The following C1QTNF3 variants were observed in gnomAD, a reference collection of about 807,000 sequenced individuals.
C1QTNF3 encodes complement C1q tumor necrosis factor-related protein 3.
Under a neutral mutation model 32.6 loss-of-function variants are expected in C1QTNF3, and 26 were observed. That is an observed-to-expected ratio of 0.80 (90% CI 0.58 to 1.11). C1QTNF3 has a LOEUF of 1.11. Among genes scored for constraint, C1QTNF3 ranks in the 50% least tolerant of loss-of-function variants. The probability of loss-of-function intolerance (pLI) is 0.00; values close to 1 mark genes in which losing one functional copy is unlikely to be tolerated. For missense variants in C1QTNF3, 362 were observed against 398.2 expected (o/e 0.91, Z 0.77); for synonymous variants, 155 against 146.0 (o/e 1.06, Z -0.44).
At chr5:34,107,923 C>T in the C1QTNF3 span, among the ~76,000 whole-genome samples, 1 of 152,126 alleles carries the variant, frequency 6.6e-6, no homozygotes, top group Admixed American at 6.6e-5. Context: ...CCACAAGATA[C>T]TAGTAAAACT....
chr5:34,022,897 C>T (rs1265990317), intron 5 of C1QTNF3, among the ~76,000 whole-genome samples: 1 of 152,084 alleles, frequency 6.6e-6, no homozygotes, highest in East Asian at 1.9e-4. Flanking sequence ...GCTCTGTCGC[C>T]CAGGCTGGAG....
chr5:34,068,126 AC>A, the C1QTNF3 span, among the ~76,000 whole-genome samples: 2 of 152,300 alleles, frequency 1.3e-5, no homozygotes, highest in Admixed American at 1.3e-4. Context: ...TGTGCTATGA[AC>A]TGCCAGATGC....
At chr5:34,126,083 A>G in the C1QTNF3 span, among the ~76,000 whole-genome samples, 1 of 152,262 alleles carries the variant, frequency 6.6e-6, no homozygotes, top group Non-Finnish European at 1.5e-5. Context: ...CATAAAAATC[A>G]TCTCCCTTGT....
chr5:34,092,774 A>G, the C1QTNF3 span, among the ~76,000 whole-genome samples: 1 of 151,946 alleles, frequency 6.6e-6, no homozygotes, highest in Non-Finnish European at 1.5e-5. Context: ...CAGTAACTCT[A>G]TTAAAGACAC....
chr5:34,054,568 G>T, the C1QTNF3 span, among the ~76,000 whole-genome samples: 3 of 152,196 alleles, frequency 2.0e-5, no homozygotes, highest in African/African-American at 7.2e-5. Context: ...CAGCCCACAG[G>T]CCATAATTTG....
chr5:34,068,332 C>T, the C1QTNF3 span, among the ~76,000 whole-genome samples: 2 of 151,934 alleles, frequency 1.3e-5, no homozygotes, highest in Admixed American at 6.6e-5. Context: ...TAGGTTTTGT[C>T]TGATGATTTT....
the C1QTNF3 span, among the ~76,000 whole-genome samples, chr5:34,158,953 C>A: frequency 6.6e-6 from 1 of 152,030 alleles, no homozygotes; most frequent in South Asian, 2.1e-4. Context: ...TACTTACACA[C>A]ACAAACAATC....
the C1QTNF3 span, among the ~76,000 whole-genome samples, chr5:34,221,949 T>C: frequency 2.6e-5 from 4 of 152,038 alleles, no homozygotes; most frequent in Non-Finnish European, 5.9e-5. Flanking sequence ...GGCTGAGGAA[T>C]AGCAGCAGTG....
At chr5:34,204,301 T>C in the C1QTNF3 span, among the ~76,000 whole-genome samples, 7 of 152,198 alleles carry the variant, frequency 4.6e-5, no homozygotes, top group African/African-American at 1.7e-4. Context: ...ATGAAAAAGG[T>C]ATCTGCACCC....
the C1QTNF3 span, among the ~76,000 whole-genome samples, chr5:34,154,239 G>GT: frequency 6.6e-6 from 1 of 152,102 alleles, no homozygotes; most frequent in African/African-American, 2.4e-5. Flanking sequence ...AGTATAACGA[G>GT]TTTTTTTCTT....
At chr5:34,063,850 G>T in the C1QTNF3 span, among the ~76,000 whole-genome samples, 1 of 152,298 alleles carries the variant, frequency 6.6e-6, no homozygotes, top group Non-Finnish European at 1.5e-5. Flanking sequence ...GAGGTAAGGA[G>T]AATTTTTGGG....
the C1QTNF3 span, among the ~76,000 whole-genome samples, chr5:34,068,904 T>C: frequency 3.9e-5 from 6 of 152,146 alleles, no homozygotes; most frequent in African/African-American, 1.4e-4. Context: ...TAGATATCCA[T>C]GCACAGTATC....
chr5:34,059,608 T>G, the C1QTNF3 span, among the ~76,000 whole-genome samples: 1 of 152,266 alleles, frequency 6.6e-6, no homozygotes, highest in East Asian at 1.9e-4. Flanking sequence ...CTAATCCCAT[T>G]TATGAGGGCA....
At chr5:34,056,388 T>G in the C1QTNF3 span, among the ~76,000 whole-genome samples, 18 of 147,492 alleles carry the variant, frequency 1.2e-4, no homozygotes, top group South Asian at 3.5e-3. Context: ...ACTTATTAAC[T>G]TTTACCATGA....
At chr5:34,176,138 A>G in the C1QTNF3 span, among the ~76,000 whole-genome samples, 1 of 152,032 alleles carries the variant, frequency 6.6e-6, no homozygotes, top group Non-Finnish European at 1.5e-5. Context: ...CATTCTCAGT[A>G]AACTATCGCC....
the C1QTNF3 span, among the ~76,000 whole-genome samples, chr5:34,091,875 G>C: frequency 6.6e-6 from 1 of 151,800 alleles, no homozygotes; most frequent in African/African-American, 2.4e-5. Flanking sequence ...TGCATGATGA[G>C]ATCATCATTC....
chr5:34,157,286 G>A, the C1QTNF3 span, among the ~76,000 whole-genome samples: 1 of 152,114 alleles, frequency 6.6e-6, no homozygotes, highest in Non-Finnish European at 1.5e-5. Flanking sequence ...TGGCTACTGT[G>A]TTATATACCA....
chr5:34,223,384 A>G, the C1QTNF3 span, among the ~76,000 whole-genome samples: 77,213 of 140,378 alleles, frequency 0.55, 23,093 homozygotes, highest in East Asian at 0.94. Context: ...ATTCCATGGT[A>G]TATATGTGCC....
At chr5:34,068,304 TC>T in the C1QTNF3 span, among the ~76,000 whole-genome samples, 1 of 152,294 alleles carries the variant, frequency 6.6e-6, no homozygotes, top group South Asian at 2.1e-4. Context: ...ATTTCTTACA[TC>T]TAATATCTTG....
Sources: gnomAD v4.1 joint callset for allele counts (sites outside exome capture counted in the v4.1 genomes callset) on GRCh38, gnomAD v4.1.1 for gene constraint, MANE v1.5 for transcripts, NCBI Gene and HGNC (gene_info 2026-07-23, HGNC 2026-07-21) for gene names.